Variants in GASK1A observed in about 807,000 individuals in gnomAD.
The protein encoded by GASK1A is golgi associated kinase 1A.
A neutral mutation model predicts 41.2 loss-of-function variants in GASK1A; 40 were observed. That is an observed-to-expected ratio of 0.97 (90% CI 0.75 to 1.27). The LOEUF (loss-of-function observed/expected upper bound fraction) is 1.27, where lower values mean the gene tolerates loss of function less well. Among genes scored for constraint, GASK1A ranks in the 50% most tolerant of loss-of-function variants. GASK1A has a pLI of 0.00. For synonymous variants in GASK1A, 316 were observed against 307.1 expected, an observed-to-expected ratio of 1.03 and a Z score of -0.30; for missense variants, 678 against 745.1, an observed-to-expected ratio of 0.91 and a Z score of 1.05.
At chr3:43,012,208 A>G (rs574065922) in intron 1 of GASK1A, among the ~76,000 whole-genome samples, 1 of 151,150 alleles carries the variant, frequency 6.6e-6, no homozygotes, top group South Asian at 2.1e-4. Flanking sequence ...GGGAAGCCAT[A>G]GAAAGGGGCT....
rs566368226 is a variant in GASK1A at position 43,008,888 on chromosome 3, C to T, written c.4-23379C>T. Among the ~76,000 whole-genome samples the T allele has an allele frequency of 3.5e-4, 53 of 152,362 alleles. No homozygotes were observed. The South Asian group carries it at 0.011, about 30-fold the overall frequency. ...AGTGTTCAGAATGCTGTGACTGTAA[C>T]TGTTACCAGCCCATCCACAGATGGA... On this transcript the variant is annotated intron_variant, in intron 1 of 4. Transcript: ENST00000430121.
chr3:43,054,502 C>T (rs1314460074), intron 3 of GASK1A, among the ~76,000 whole-genome samples: 1 of 152,148 alleles, frequency 6.6e-6, no homozygotes, highest in Non-Finnish European at 1.5e-5. Flanking sequence ...GAAGAGTCAC[C>T]TGGCTTTGAG....
Position 43,056,257 on chromosome 3 carries a change from G to A in GASK1A, c.1599G>A (p.Val533=), listed in dbSNP as rs2089715643. 1 of 1,551,732 alleles carries A rather than the reference G, an allele frequency of 6.4e-7. No homozygotes were observed. Among genetic ancestry groups the A allele is most frequent in the Non-Finnish European group, 8.7e-7 (1 of 1,146,992 alleles). The change falls in exon 5 of 5, where the codon GTG becomes GTA. Residue 533 remains valine, a synonymous_variant. Transcript: ENST00000430121. ...MLLKSLQMDP[V]FWESQGGAQG... is the part of the protein sequence containing the mutation. The stretch of plus-strand genomic sequence containing the variant: ...TGAAGTCGCTGCAGATGGACCCAGT[G>A]TTCTGGGAAAGCCAAGGCGGAGCCC...
At chr3:43,051,631 A>AACTAT (rs2089688558) in intron 2 of GASK1A, among the ~76,000 whole-genome samples, 1 of 152,092 alleles carries the variant, frequency 6.6e-6, no homozygotes, top group Admixed American at 6.5e-5. Flanking sequence ...TTTTTGGTTA[A>AACTAT]TCTATTGTTT....
At chr3:43,010,064 A>G (rs2089455780) in intron 1 of GASK1A, among the ~76,000 whole-genome samples, 1 of 152,134 alleles carries the variant, frequency 6.6e-6, no homozygotes. Flanking sequence ...CCTTTGGAGG[A>G]AGCTGCCTCC....
At chr3:43,041,172 C>A (rs2089635304) in intron 2 of GASK1A, among the ~76,000 whole-genome samples, 2 of 149,882 alleles carry the variant, frequency 1.3e-5, no homozygotes, top group South Asian at 2.1e-4. Context: ...GTGAATAGTG[C>A]CGCAATAAAC....
chr3:43,018,449 C>A (rs2089505595), intron 1 of GASK1A, among the ~76,000 whole-genome samples: 1 of 152,054 alleles, frequency 6.6e-6, no homozygotes, highest in South Asian at 2.1e-4. Flanking sequence ...ACTGGGGCAC[C>A]ATCTGGTTGT....
At chr3:43,052,236 C>G (rs1459681883) in intron 2 of GASK1A, among the ~76,000 whole-genome samples, 1 of 152,198 alleles carries the variant, frequency 6.6e-6, no homozygotes, top group Non-Finnish European at 1.5e-5. Flanking sequence ...TGACTTGCCC[C>G]ACACCAAACC....
chr3:43,039,740 A>G lies in GASK1A; in HGVS notation c.1290+6187A>G, dbSNP rs140570425. On this transcript the variant is annotated intron_variant, in intron 2 of 4. Transcript: ENST00000430121. ...CCCTGTGATTCCTTTCTTTGTGTCCATGTGTATTCAGTGTTTAGCTCCCAC... is the reference window on the plus strand; with the variant it reads ...CCCTGTGATTCCTTTCTTTGTGTCCGTGTGTATTCAGTGTTTAGCTCCCAC... 8.7e-3 allele frequency among the ~76,000 whole-genome samples: 1,318 copies of G among 151,958 alleles called. 8 individuals carry two copies. Among genetic ancestry groups the G allele is most frequent in the Non-Finnish European group, 0.015 (986 of 67,952 alleles).
At chr3:43,047,990 G>T (rs1037501657) in intron 2 of GASK1A, among the ~76,000 whole-genome samples, 4 of 152,174 alleles carry the variant, frequency 2.6e-5, no homozygotes, top group African/African-American at 9.7e-5. Flanking sequence ...ATTGGCAGGG[G>T]AAGGAAAGGC....
intron 2 of GASK1A, among the ~76,000 whole-genome samples, chr3:43,044,587 G>A (rs563717305): frequency 1.1e-4 from 17 of 152,224 alleles, no homozygotes; most frequent in African/African-American, 3.6e-4. Context: ...TCCTCAATTC[G>A]CATAGCCAGG....
chr3:43,052,064 T>G, intron 2 of GASK1A, among the ~76,000 whole-genome samples: 1 of 152,162 alleles, frequency 6.6e-6, no homozygotes, highest in Non-Finnish European at 1.5e-5. Context: ...CCAGAGATCC[T>G]CAAGGCCTCC....
In GASK1A at chr3:42,985,409, G is replaced by GTCAT. The variant is rs970282426; in HGVS notation, c.3+5777_3+5780dup. On this transcript the variant is annotated intron_variant, in intron 1 of 4. Coordinates refer to ENST00000430121, the MANE Select transcript of GASK1A (RefSeq NM_001129908.3). ...GCTCCCTCTGTCTCCCTGCCGTCTT[G>GTCAT]TCATTCATTCATTCATCCATTCATT... Among the ~76,000 whole-genome samples the GTCAT allele has an allele frequency of 1.6e-3, 237 of 152,310 alleles. 8 individuals carry two copies. The highest frequency in any genetic ancestry group is 0.015 in the Admixed American group (235 of 15,296).
At chr3:43,025,198 G>A (rs1057450588) in intron 1 of GASK1A, among the ~76,000 whole-genome samples, 3 of 152,184 alleles carry the variant, frequency 2.0e-5, no homozygotes, top group Admixed American at 1.3e-4. Context: ...GCTGTTGCAC[G>A]TGTCCTGGTA....
At chr3:43,006,301 G>T (rs2089435845) in intron 1 of GASK1A, among the ~76,000 whole-genome samples, 1 of 152,040 alleles carries the variant, frequency 6.6e-6, no homozygotes, top group Non-Finnish European at 1.5e-5. Context: ...TTTGTTTCCT[G>T]CATCCCATGT....
chr3:43,048,047 C>CA (rs2089672382), intron 2 of GASK1A, among the ~76,000 whole-genome samples: 1 of 152,066 alleles, frequency 6.6e-6, no homozygotes, highest in South Asian at 2.1e-4. Context: ...CAATGGGTTG[C>CA]AATGAAAGAT....
intron 1 of GASK1A, among the ~76,000 whole-genome samples, chr3:43,031,767 T>C (rs759889907): frequency 1.1e-4 from 16 of 152,198 alleles, no homozygotes; most frequent in Non-Finnish European, 1.8e-4. Context: ...CTTGGTCACA[T>C]GGTCACACCC....
At chr3:42,991,982 T>G (rs765110416) in intron 1 of GASK1A, among the ~76,000 whole-genome samples, 27 of 151,960 alleles carry the variant, frequency 1.8e-4, no homozygotes, top group Non-Finnish European at 1.9e-4. Flanking sequence ...CTTACCACAT[T>G]CTGGCCCCCC....
chr3:42,984,508 T>C lies in GASK1A; in HGVS notation c.3+4863T>C, dbSNP rs893491562. 1.3e-5 allele frequency among the ~76,000 whole-genome samples: 2 copies of C among 152,062 alleles called. No homozygotes were observed. The highest frequency in any genetic ancestry group is 2.4e-5 in the African/African-American group (1 of 41,388). ...TGAGTGGAAGATGGAAGGTGCTTTATAATAGCATCTGGTGAATCCTGGGGT... is the reference window on the plus strand; with the variant it reads ...TGAGTGGAAGATGGAAGGTGCTTTACAATAGCATCTGGTGAATCCTGGGGT... On this transcript the variant is annotated intron_variant, in intron 1 of 4. Coordinates refer to ENST00000430121, the MANE Select transcript of GASK1A (RefSeq NM_001129908.3). This position sits in a 1 kb window ranked among gnomAD's most constrained non-coding sequence, Gnocchi z 4.2.
Sources: allele counts gnomAD v4.1 joint callset (sites outside exome capture counted in the v4.1 genomes callset), GRCh38; gene constraint gnomAD v4.1.1; non-coding constraint Gnocchi (gnomAD v3.1); transcripts MANE v1.5; gene names NCBI Gene and HGNC (gene_info 2026-07-23, HGNC 2026-07-21).